The following FGD6 variants were observed in gnomAD, a reference collection of about 807,000 sequenced individuals.
FGD6 encodes FYVE, RhoGEF and PH domain-containing protein 6.
In FGD6, 90 loss-of-function variants were observed where a neutral mutation model predicts 149.4. The ratio of observed to expected loss-of-function variants is 0.60; its 90% CI spans 0.51 to 0.72. The LOEUF is 0.72. Among genes scored for constraint, FGD6 ranks in the 30% least tolerant of loss-of-function variants. The pLI, the probability that FGD6 is intolerant of heterozygous loss-of-function variation, is 0.00. For missense variants in FGD6, 1,437 were observed against 1,684.8 expected (o/e 0.85, Z 2.57); for synonymous variants, 527 against 584.0 (o/e 0.90, Z 1.41).
At chr12:95,201,662 C>G (rs749659128) in intron 2 of FGD6, among the ~76,000 whole-genome samples, 11 of 152,116 alleles carry the variant, frequency 7.2e-5, no homozygotes, top group South Asian at 4.1e-4. Context: ...TCACCCTCCC[C>G]ACTTCTGCCC....
At chr12:95,205,237 C>T (rs1364427000) in intron 2 of FGD6, among the ~76,000 whole-genome samples, 1 of 149,990 alleles carries the variant, frequency 6.7e-6, no homozygotes, top group Non-Finnish European at 1.5e-5. Context: ...CACTGTACTC[C>T]AGCCTGGGCA....
Position 95,111,368 on chromosome 12 carries a change from T to C in FGD6, c.3133+2283A>G, listed in dbSNP as rs1461010267. ...TCTCATCTATGTCTTTGCTGTCACATGTAATTTCCTTTAAATAAGCTCCTT... is the reference window on the plus strand; with the variant it reads ...TCTCATCTATGTCTTTGCTGTCACACGTAATTTCCTTTAAATAAGCTCCTT... On this transcript the variant is annotated intron_variant, in intron 9 of 20. Transcript: ENST00000343958. Among the ~76,000 whole-genome samples, 3 of 152,226 alleles carry C rather than the reference T, an allele frequency of 2.0e-5. No individual in the cohort carries two copies. In the East Asian group the frequency reaches 5.8e-4, roughly 29 times the overall value.
intron 2 of FGD6, among the ~76,000 whole-genome samples, chr12:95,205,429 T>C (rs1320558056): frequency 1.3e-5 from 2 of 152,030 alleles, no homozygotes; most frequent in Non-Finnish European, 2.9e-5. Context: ...ATTCAGTGAA[T>C]TAGAGCCCTG....
At chr12:95,200,941 T>C (rs998677324) in intron 2 of FGD6, among the ~76,000 whole-genome samples, 1 of 151,776 alleles carries the variant, frequency 6.6e-6, no homozygotes, top group Non-Finnish European at 1.5e-5. Context: ...AAATGTGCTA[T>C]AACACGAACT....
At chr12:95,125,450 T>C (rs1879306947) in intron 8 of FGD6, among the ~76,000 whole-genome samples, 2 of 152,044 alleles carry the variant, frequency 1.3e-5, no homozygotes, top group African/African-American at 4.8e-5. Flanking sequence ...CTGGGCAACA[T>C]AGTGAGATCC....
chr12:95,164,774 C>A (rs1217572460), intron 3 of FGD6, among the ~76,000 whole-genome samples: 1 of 152,106 alleles, frequency 6.6e-6, no homozygotes, highest in Non-Finnish European at 1.5e-5. Flanking sequence ...CCTCTTCTAT[C>A]CTACTCTAGA....
chr12:95,089,534 C>T (rs766062629), intron 18 of FGD6, 35 bp downstream of exon 18: 17 of 1,608,628 alleles, frequency 1.1e-5, no homozygotes, highest in Middle Eastern at 3.3e-4. Flanking sequence ...ATAATTCAGC[C>T]TCTATCACAT....
At chr12:95,092,885 C>T (rs368374638) in intron 15 of FGD6, 40 bp from the exon 16 acceptor site, 400 of 1,569,378 alleles carry the variant, frequency 2.5e-4, no homozygotes, top group East Asian at 2.0e-3. Flanking sequence ...TCCATGCACA[C>T]TGCCTGCCTT....
chr12:95,187,652 C>CAA (rs748641850), intron 2 of FGD6, among the ~76,000 whole-genome samples: 25 of 106,654 alleles, frequency 2.3e-4, no homozygotes, highest in Admixed American at 2.9e-4. Context: ...GCTGCGTCCC[C>CAA]AAAAAAAAAA....
At chr12:95,168,431 A>G (rs1880888820) in intron 3 of FGD6, among the ~76,000 whole-genome samples, 1 of 152,220 alleles carries the variant, frequency 6.6e-6, no homozygotes. Flanking sequence ...TGGGAGGCCA[A>G]TGTGGGCAGA....
At chr12:95,215,248 T>C (rs1592882686) in intron 1 of FGD6, among the ~76,000 whole-genome samples, 2 of 152,258 alleles carry the variant, frequency 1.3e-5, no homozygotes, top group Admixed American at 6.5e-5. Context: ...AAAGCAAGCT[T>C]TTCTGCTGGA....
rs1877633854 is a variant in FGD6 at position 95,080,351 on chromosome 12, C to G, written c.*1169G>C. The G allele has an allele frequency of 6.6e-6, 1 of 152,092 alleles. No individual in the cohort carries two copies. The highest frequency in any genetic ancestry group is 6.5e-5 in the Admixed American group (1 of 15,278). The allele number at this position is 152,092 out of a possible 1,614,324, so 9.4% of individuals were successfully genotyped here. On this transcript the variant is annotated 3_prime_UTR_variant, in exon 21 of 21. Coordinates refer to ENST00000343958, the MANE Select transcript of FGD6 (RefSeq NM_018351.4). ...TGTTATTTCATTTTCTTCTGCTAATCAACAATTGTATGTGCAAGGTAGTTC... is the reference window on the plus strand; with the variant it reads ...TGTTATTTCATTTTCTTCTGCTAATGAACAATTGTATGTGCAAGGTAGTTC...
intron 2 of FGD6, among the ~76,000 whole-genome samples, chr12:95,191,267 G>A (rs2136293856): frequency 6.6e-6 from 1 of 152,332 alleles, no homozygotes; most frequent in South Asian, 2.1e-4. Flanking sequence ...CCACAATACG[G>A]AAGGATGCTC....
At chr12:95,201,863 T>A (rs951475900) in intron 2 of FGD6, among the ~76,000 whole-genome samples, 3 of 152,128 alleles carry the variant, frequency 2.0e-5, no homozygotes. Context: ...GGAAAACTAG[T>A]TAGCTCTAAA....
chr12:95,104,463 ATCTC>A (rs554238962), intron 14 of FGD6, among the ~76,000 whole-genome samples: 1 of 151,554 alleles, frequency 6.6e-6, no homozygotes, highest in Non-Finnish European at 1.5e-5. Context: ...TTGAGACAGA[ATCTC>A]TCTCTGTCAC....
chr12:95,154,816 G>A (rs1383318681), intron 3 of FGD6, among the ~76,000 whole-genome samples: 1 of 152,144 alleles, frequency 6.6e-6, no homozygotes, highest in Non-Finnish European at 1.5e-5. Flanking sequence ...AAAAAATATG[G>A]TAGCAACTTC....
rs545706609 is a variant in FGD6, at chr12:95,147,735, G to A, written c.2685+5076C>T. On this transcript the variant is annotated intron_variant, in intron 5 of 20. Coordinates refer to ENST00000343958, the MANE Select transcript of FGD6 (RefSeq NM_018351.4). Reference sequence around the variant, plus strand: ...TGACAGTTAGCTTACTTTCTTCATTGAAAAAAATAGGAATAACATCTATTT... The same window carrying A: ...TGACAGTTAGCTTACTTTCTTCATTAAAAAAAATAGGAATAACATCTATTT... Among the ~76,000 whole-genome samples the A allele has an allele frequency of 3.1e-4, 47 of 152,092 alleles. 3 individuals are homozygous for A. In the South Asian group the frequency reaches 9.1e-3, roughly 30 times the overall value.
At chr12:95,191,646 C>T (rs540224789) in intron 2 of FGD6, among the ~76,000 whole-genome samples, 1 of 152,104 alleles carries the variant, frequency 6.6e-6, no homozygotes, top group African/African-American at 2.4e-5. Context: ...GGTTTCAGGA[C>T]CCCCCACAGA....
intron 14 of FGD6, among the ~76,000 whole-genome samples, chr12:95,098,712 C>G (rs1039821139): frequency 1.3e-5 from 2 of 152,188 alleles, no homozygotes; most frequent in Non-Finnish European, 2.9e-5. Context: ...CTCTCTCCCC[C>G]ATTGCAGTTT....
Sources: allele counts gnomAD v4.1 joint callset (sites outside exome capture counted in the v4.1 genomes callset), GRCh38; gene constraint gnomAD v4.1.1; transcripts MANE v1.5; gene names NCBI Gene and HGNC (gene_info 2026-07-23, HGNC 2026-07-21).